Variants in MCU observed in about 807,000 individuals in gnomAD.
MCU encodes the protein mitochondrial calcium uniporter.
A neutral mutation model predicts 45.2 loss-of-function variants in MCU; 12 were observed. The ratio of observed to expected loss-of-function variants is 0.27; its 90% CI spans 0.17 to 0.43. The LOEUF (loss-of-function observed/expected upper bound fraction) is 0.43. MCU is among the 20% of genes least tolerant of loss of function. The pLI is 1.00. For missense variants in MCU, 324 were observed against 436.7 expected (o/e 0.74, Z 2.30); for synonymous variants, 160 against 165.1 (o/e 0.97, Z 0.24).
At chr10:72,794,282 T>C (rs931507528) in intron 1 of MCU, among the ~76,000 whole-genome samples, 1 of 152,096 alleles carries the variant, frequency 6.6e-6, no homozygotes, top group African/African-American at 2.4e-5. Context: ...AAACATAGGA[T>C]CACCACTACA....
chr10:72,820,897 TC>T (rs1844702032), intron 1 of MCU, among the ~76,000 whole-genome samples: 1 of 151,368 alleles, frequency 6.6e-6, no homozygotes. Context: ...CCATACGTGT[TC>T]CGTTTCTGTT....
chr10:72,837,121 A>G (rs1056342202), intron 2 of MCU, among the ~76,000 whole-genome samples: 1 of 152,202 alleles, frequency 6.6e-6, no homozygotes, highest in Admixed American at 6.5e-5. Flanking sequence ...TTATGACGGT[A>G]ACAGCTGATA....
At chr10:72,846,817 G>C (rs1367490310) in intron 2 of MCU, among the ~76,000 whole-genome samples, 4 of 152,260 alleles carry the variant, frequency 2.6e-5, no homozygotes, top group South Asian at 4.1e-4. Context: ...ACTGGGAAGG[G>C]ACCAGGAAGC....
chr10:72,748,586 A>T (rs1843448192), intron 1 of MCU, among the ~76,000 whole-genome samples: 1 of 152,132 alleles, frequency 6.6e-6, no homozygotes, highest in Non-Finnish European at 1.5e-5. Context: ...AGAAGCCTAG[A>T]GGGGAGAATC....
intron 1 of MCU, among the ~76,000 whole-genome samples, chr10:72,745,822 G>T (rs1843407435): frequency 6.6e-6 from 1 of 152,042 alleles, no homozygotes; most frequent in Admixed American, 6.6e-5. Context: ...CATTTGGCTA[G>T]CTATTCAAAT....
chr10:72,714,524 C>A (rs1312403799), intron 1 of MCU, among the ~76,000 whole-genome samples: 2 of 151,578 alleles, frequency 1.3e-5, no homozygotes, highest in African/African-American at 2.4e-5. Context: ...TTGAGCTTAT[C>A]ATGTGATTGT....
At chr10:72,825,053 T>C (rs1351892432) in intron 1 of MCU, among the ~76,000 whole-genome samples, 1 of 152,202 alleles carries the variant, frequency 6.6e-6, no homozygotes, top group African/African-American at 2.4e-5. Flanking sequence ...ATTTTTTCTG[T>C]ACTGATCTTT....
chr10:72,832,822 T>G (rs1844897799), intron 1 of MCU, among the ~76,000 whole-genome samples: 1 of 152,208 alleles, frequency 6.6e-6, no homozygotes, highest in South Asian at 2.1e-4. Flanking sequence ...GGTAATAACT[T>G]GCCCAAGAGT....
At chr10:72,746,926 G>GA (rs1160522318) in intron 1 of MCU, among the ~76,000 whole-genome samples, 3 of 152,142 alleles carry the variant, frequency 2.0e-5, no homozygotes. Context: ...TAGTCTCTTT[G>GA]AAATTTGGAA....
intron 6 of MCU, among the ~76,000 whole-genome samples, chr10:72,875,485 A>T (rs1845604050): frequency 6.6e-6 from 1 of 152,202 alleles, no homozygotes; most frequent in Admixed American, 6.5e-5. Flanking sequence ...AGTAGTAAAT[A>T]ATTTAGTCAC....
intron 1 of MCU, among the ~76,000 whole-genome samples, chr10:72,806,017 G>A (rs1266809389): frequency 1.3e-5 from 2 of 152,106 alleles, no homozygotes; most frequent in African/African-American, 4.8e-5. Context: ...AGAAGAATGG[G>A]GAAAGGCCTG....
At chr10:72,788,666 GA>G (rs1564556931) in intron 1 of MCU, among the ~76,000 whole-genome samples, 1 of 152,238 alleles carries the variant, frequency 6.6e-6, no homozygotes, top group Non-Finnish European at 1.5e-5. Context: ...ACAAACTAGT[GA>G]TGAGTAAAGT....
intron 2 of MCU, among the ~76,000 whole-genome samples, chr10:72,849,239 C>T (rs1845169558): frequency 1.4e-5 from 2 of 148,032 alleles, no homozygotes; most frequent in Admixed American, 1.4e-4. Context: ...TGAGATTCTG[C>T]CACTGCACTC....
chr10:72,821,565 G>A (rs1020358162), intron 1 of MCU, among the ~76,000 whole-genome samples: 1 of 152,024 alleles, frequency 6.6e-6, no homozygotes, highest in African/African-American at 2.4e-5. Flanking sequence ...AAACAAACAA[G>A]CATGCTTTTC....
intron 1 of MCU, among the ~76,000 whole-genome samples, chr10:72,698,896 T>C (rs1589421676): frequency 6.6e-6 from 1 of 152,178 alleles, no homozygotes; most frequent in African/African-American, 2.4e-5. Context: ...CTTGAACTCC[T>C]GGGCTTAAGT....
In MCU at chr10:72,728,563, G is replaced by A. The variant is rs562271700; in HGVS notation, c.150+36262G>A. On this transcript the variant is annotated intron_variant, in intron 1 of 7. Transcript: ENST00000373053. Reference sequence around the variant, plus strand: ...TTTCAGTAGAGGGAACAAGTGAAAAGCCCCTGGTTTGAGATGGGGGTGGGG... The same window carrying A: ...TTTCAGTAGAGGGAACAAGTGAAAAACCCCTGGTTTGAGATGGGGGTGGGG... 1.6e-4 allele frequency among the ~76,000 whole-genome samples: 24 copies of A among 152,266 alleles called. No individual in the cohort carries two copies. In the East Asian group the frequency reaches 4.6e-3, roughly 29 times the overall value.
chr10:72,716,935 G>T lies in MCU; in HGVS notation c.150+24634G>T, dbSNP rs1355529560. ...TATTACAGTTAAAATACCAGTCAGGGTAATGGAAATTGAGGACCAGAGTTA... is the reference window on the plus strand; with the variant it reads ...TATTACAGTTAAAATACCAGTCAGGTTAATGGAAATTGAGGACCAGAGTTA... On this transcript the variant is annotated intron_variant, in intron 1 of 7. Coordinates refer to ENST00000373053, the MANE Select transcript of MCU (RefSeq NM_138357.3). Among the ~76,000 whole-genome samples the T allele has an allele frequency of 2.6e-5, 4 of 152,094 alleles. No individual in the cohort carries two copies. In the East Asian group the frequency reaches 5.8e-4, roughly 22 times the overall value.
intron 1 of MCU, among the ~76,000 whole-genome samples, chr10:72,757,338 C>G (rs1843592918): frequency 6.6e-6 from 1 of 152,138 alleles, no homozygotes; most frequent in Non-Finnish European, 1.5e-5. Flanking sequence ...GGAGTACAAA[C>G]AATATTGTTT....
intron 1 of MCU, among the ~76,000 whole-genome samples, chr10:72,827,377 C>T (rs552051485): frequency 9.2e-5 from 14 of 151,900 alleles, no homozygotes; most frequent in Admixed American, 9.2e-4. Context: ...AATAAGCAGC[C>T]CTTTAATATA....
Sources: gnomAD v4.1 joint callset for allele counts (sites outside exome capture counted in the v4.1 genomes callset) on GRCh38, gnomAD v4.1.1 for gene constraint, MANE v1.5 for transcripts, NCBI Gene and HGNC (gene_info 2026-07-23, HGNC 2026-07-21) for gene names.